Variants in C6orf132 observed in about 807,000 individuals in gnomAD.
C6orf132 encodes the protein chromosome 6 open reading frame 132, also known as uncharacterized protein C6orf132.
Under a neutral mutation model 65.3 loss-of-function variants are expected in C6orf132, and 43 were observed. That is an observed-to-expected ratio of 0.66 (90% confidence interval 0.52 to 0.85). The LOEUF (loss-of-function observed/expected upper bound fraction) is 0.85. C6orf132 is among the 40% of genes least tolerant of loss of function. The pLI is 0.00. For synonymous variants in C6orf132, 631 were observed against 654.1 expected (o/e 0.96, Z 0.54); for missense variants, 1,488 against 1,548.8 (o/e 0.96, Z 0.66).
intron 2 of C6orf132, among the ~76,000 whole-genome samples, chr6:42,117,017 C>A (rs9381143): frequency 0.2 from 29,725 of 152,080 alleles, 3,238 homozygotes; most frequent in African/African-American, 0.27. Flanking sequence ...GCTTCCGCAG[C>A]CTTGTTCTTG....
chr6:42,137,817 G>GGGGC (rs1766967930), intron 1 of C6orf132, among the ~76,000 whole-genome samples: 2 of 108,664 alleles, frequency 1.8e-5, no homozygotes, highest in African/African-American at 7.8e-5. Context: ...AGGCAGGGGC[G>GGGGC]GGGGCGGGGC....
intron 1 of C6orf132, among the ~76,000 whole-genome samples, chr6:42,136,309 C>T (rs1275320061): frequency 6.6e-6 from 1 of 152,030 alleles, no homozygotes; most frequent in African/African-American, 2.4e-5. Context: ...TGATACTTTT[C>T]CGGAAGCCTC....
In C6orf132 at chr6:42,107,007, A is replaced by C. The variant is rs1562033766; in HGVS notation, c.905T>G (p.Phe302Cys). The C allele has an allele frequency of 1.3e-6, 2 of 1,531,406 alleles. No homozygotes were observed. The highest frequency in any genetic ancestry group is 1.7e-6 in the Non-Finnish European group (2 of 1,144,876). 94.9% of individuals were successfully genotyped at this position (1,531,406 alleles called of 1,614,324 possible). ...GACTGGGGTTGGGGGAGGCACTTTG[A>C]AAGAACGGGGGAAGGTGAGATGGGG... is the stretch of plus-strand genomic sequence containing the variant. ...PEPHLTFPRS[F>C]KVPPPTPVRT... Residue 302 changes from phenylalanine to cysteine, a missense_variant, in exon 4 of 5, where the codon TTC becomes TGC. By Grantham distance (205) the Phe-to-Cys change is radical. Coordinates refer to ENST00000341865, the MANE Select transcript of C6orf132 (RefSeq NM_001164446.3).
At position 42,106,702 on chromosome 6, in the gene C6orf132, G is replaced by T. The variant is rs1293509276; in HGVS notation, c.1210C>A (p.Pro404Thr). The T allele has an allele frequency of 7.6e-7, 1 of 1,316,218 alleles. No homozygotes were observed. The highest frequency in any genetic ancestry group is 2.1e-5 in the Admixed American group (1 of 47,902). The allele number at this position is 1,316,218 out of a possible 1,614,324, so 81.5% of individuals were successfully genotyped here. A position where few individuals can be genotyped will look rare whatever the true frequency, so the allele number is the denominator to read the frequency against. Reference sequence around the variant, plus strand: ...GGGGGAAGTGGGGGTGCTGGGGGAGGGAGGGGGGGTGCAGGAGGGGGCAGG... The same window carrying T: ...GGGGGAAGTGGGGGTGCTGGGGGAGTGAGGGGGGGTGCAGGAGGGGGCAGG... ...PPLPPPAPPLPPPAPPLPPAA... is the reference protein window; with the variant it reads ...PPLPPPAPPLTPPAPPLPPAA... The change falls in exon 4 of 5, where the codon CCT (proline) becomes ACT (threonine). Residue 404 changes from proline (P) to threonine (T), a missense_variant. Transcript: ENST00000341865.
chr6:42,125,870 G>A lies in C6orf132; in HGVS notation c.252+2802C>T, dbSNP rs373071207. On this transcript the variant is annotated intron_variant, in intron 2 of 4. Coordinates refer to ENST00000341865, the MANE Select transcript of C6orf132 (RefSeq NM_001164446.3). ...AGAGCCAGAGAGGGCTGGAAGGTGA[G>A]GATTTGCTCTGGTCTTTGAGGGGCC... 1.6e-4 allele frequency among the ~76,000 whole-genome samples: 25 copies of A among 152,238 alleles called. No individual in the cohort carries two copies. In the East Asian group the frequency reaches 3.3e-3, roughly 20 times the overall value.
chr6:42,127,927 C>CT (rs70987570), intron 2 of C6orf132, among the ~76,000 whole-genome samples: 1,446 of 142,786 alleles, frequency 0.01, 11 homozygotes, highest in South Asian at 0.016. Flanking sequence ...CAATGACACT[C>CT]TTTTTTTTTT....
chr6:42,107,312 TG>T lies in C6orf132; in HGVS notation c.599del (p.Pro200HisfsTer25). 9.8e-7 allele frequency: 1 copy of T among 1,019,238 alleles called. No homozygotes were observed. The highest frequency in any genetic ancestry group is 1.2e-6 in the Non-Finnish European group (1 of 820,962). The allele number at this position is 1,019,238 out of a possible 1,614,324, so 63.1% of individuals were successfully genotyped here. A position where few individuals can be genotyped will look rare whatever the true frequency, so the allele number is the denominator to read the frequency against. ...PPPVLEALSP[P>X]HTLSSPSIPT... ...GTATGGATGGGGAGGAAAGAGTGTG[TG>T]GTGGGGATAGGGCCTCCAATACTGG... On this transcript the variant is annotated frameshift_variant, in exon 4 of 5. Coordinates refer to ENST00000341865, the MANE Select transcript of C6orf132 (RefSeq NM_001164446.3). LOFTEE classifies it high-confidence loss of function.
At chr6:42,123,679 G>T (rs1393682567) in intron 2 of C6orf132, among the ~76,000 whole-genome samples, 1 of 152,134 alleles carries the variant, frequency 6.6e-6, no homozygotes, top group Non-Finnish European at 1.5e-5. Flanking sequence ...GAGGGAGAAA[G>T]GATCACCCCT....
rs575629504 is a variant in C6orf132, at chr6:42,124,472, G to C, written c.252+4200C>G. On this transcript the variant is annotated intron_variant, in intron 2 of 4. Transcript: ENST00000341865. The surrounding 1 kb of genome is among the most constrained non-coding windows in gnomAD (Gnocchi z 4.0). Reference sequence around the variant, plus strand: ...GCCTGGAGAGAGCTCACAGGCCCTCGAGGGGCCTGTCACCTGACTTCTTGG... The same window carrying C: ...GCCTGGAGAGAGCTCACAGGCCCTCCAGGGGCCTGTCACCTGACTTCTTGG... Among the ~76,000 whole-genome samples the C allele has an allele frequency of 6.6e-6, 1 of 152,152 alleles. No individual in the cohort carries two copies. The highest frequency in any genetic ancestry group is 1.9e-4 in the East Asian group (1 of 5,186).
At chr6:42,115,543 G>A (rs1203596492) in intron 2 of C6orf132, among the ~76,000 whole-genome samples, 1 of 151,930 alleles carries the variant, frequency 6.6e-6, no homozygotes, top group East Asian at 1.9e-4. Flanking sequence ...CTACTCGGGA[G>A]GCTGAGGCAG....
intron 2 of C6orf132, among the ~76,000 whole-genome samples, chr6:42,115,456 C>T (rs1766551315): frequency 1.3e-5 from 2 of 151,144 alleles, no homozygotes; most frequent in African/African-American, 4.9e-5. Context: ...ACCATCCTGG[C>T]TAACACGGCG....
Position 42,142,436 on chromosome 6 carries a change from C to T in C6orf132, c.9G>A (p.Lys3=). The T allele has an allele frequency of 6.5e-7, 1 of 1,549,922 alleles. No individual in the cohort carries two copies. The highest frequency in any genetic ancestry group is 8.7e-7 in the Non-Finnish European group (1 of 1,145,894). The change falls in exon 1 of 5, where the codon AAG becomes AAA. Residue 3 remains lysine, a synonymous_variant. Transcript: ENST00000341865. MK[K]KQTVQGTFSK... ...TGAAGGTGCCCTGCACCGTCTGCTT[C>T]TTTTTCATGCTGCCGCAGCCCGCGC...
At chr6:42,119,248 C>CAAAAAAAAAAAAA (rs1156356191) in intron 2 of C6orf132, among the ~76,000 whole-genome samples, 3 of 44,778 alleles carry the variant, frequency 6.7e-5, no homozygotes, top group African/African-American at 2.9e-4. Flanking sequence ...GACTCTGTCT[C>CAAAAAAAAAAAAA]AAAAAAAAAA....
chr6:42,134,635 G>T (rs1019039257), intron 1 of C6orf132, among the ~76,000 whole-genome samples: 1 of 152,116 alleles, frequency 6.6e-6, no homozygotes, highest in African/African-American at 2.4e-5. Flanking sequence ...TTAGCTGGGC[G>T]TGGTGGTGGG....
Position 42,104,817 on chromosome 6 carries a change from G to A in C6orf132, c.3095C>T (p.Pro1032Leu). The change falls in exon 4 of 5, where the codon CCG becomes CTG. Residue 1032 changes from proline (P) to leucine (L), a missense_variant. By Grantham distance (98) the Pro-to-Leu change is moderately conservative. Transcript: ENST00000341865. This position sits in a 1 kb window ranked among gnomAD's most constrained non-coding sequence, Gnocchi z 4.1. The part of the protein sequence containing the change: ...QLPNAGPGAP[P>L]ALGFSRFPAG... ...GGGAAAGCGCGAGAAGCCGAGAGCC[G>A]GGGGCGCCCCGGGGCCAGCGTTCGG... The A allele has an allele frequency of 6.8e-7, 1 of 1,469,840 alleles. No individual in the cohort carries two copies. Among genetic ancestry groups the A allele is most frequent in the Non-Finnish European group, 9.0e-7 (1 of 1,117,200 alleles). 91.0% of individuals were successfully genotyped at this position (1,469,840 alleles called of 1,614,324 possible).
At chr6:42,140,192 C>A (rs773182385) in intron 1 of C6orf132, among the ~76,000 whole-genome samples, 2 of 152,262 alleles carry the variant, frequency 1.3e-5, no homozygotes, top group Non-Finnish European at 2.9e-5. Context: ...CCTTGAGGAA[C>A]GGGAGGAGCT....
chr6:42,120,977 GC>G (rs1437326163), intron 2 of C6orf132, among the ~76,000 whole-genome samples: 5 of 152,176 alleles, frequency 3.3e-5, no homozygotes, highest in African/African-American at 9.7e-5. Context: ...TAGGAGTCAG[GC>G]AGACCAGATT....
intron 1 of C6orf132, among the ~76,000 whole-genome samples, chr6:42,135,680 G>C (rs938698656): frequency 6.6e-6 from 1 of 152,234 alleles, no homozygotes; most frequent in African/African-American, 2.4e-5. Context: ...CCAAACTAGA[G>C]AGAAAATTAA....
intron 2 of C6orf132, among the ~76,000 whole-genome samples, chr6:42,123,549 G>A (rs1027236915): frequency 1.3e-5 from 2 of 150,494 alleles, no homozygotes; most frequent in Non-Finnish European, 3.0e-5. Context: ...AGAAGGAGAG[G>A]AAGAGGAAGA....
Sources: gnomAD v4.1 joint callset for allele counts (sites outside exome capture counted in the v4.1 genomes callset) on GRCh38, gnomAD v4.1.1 for gene constraint, Gnocchi (gnomAD v3.1) non-coding constraint, MANE v1.5 for transcripts, NCBI Gene and HGNC (gene_info 2026-07-23, HGNC 2026-07-21) for gene names.